Variants in RIMBP2 observed in about 807,000 individuals in gnomAD.
RIMBP2 encodes RIMS-binding protein 2.
Under a neutral mutation model 118.6 loss-of-function variants are expected in RIMBP2, and 48 were observed. The observed-to-expected ratio is 0.40, with a 90% CI of 0.32 to 0.51. The LOEUF (loss-of-function observed/expected upper bound fraction) is 0.51, where lower values mean the gene tolerates loss of function less well. RIMBP2 is among the 20% of genes least tolerant of loss of function. RIMBP2 has a pLI of 0.41. For missense variants in RIMBP2, 1,551 were observed against 1,768.3 expected, an observed-to-expected ratio of 0.88 and a Z score of 2.20; for synonymous variants, 762 against 742.9, an observed-to-expected ratio of 1.03 and a Z score of -0.42.
chr12:130,690,811 A>G (rs2065276242), intron 1 of RIMBP2, among the ~76,000 whole-genome samples: 1 of 152,132 alleles, frequency 6.6e-6, no homozygotes, highest in African/African-American at 2.4e-5. Context: ...GGACTCAAAT[A>G]TCACTTCTGA....
intron 2 of RIMBP2, among the ~76,000 whole-genome samples, chr12:130,593,335 G>A (rs147679432): frequency 4.3e-4 from 66 of 152,318 alleles, no homozygotes; most frequent in African/African-American, 1.3e-3. Flanking sequence ...TGGGGCTGGG[G>A]GTGCTTCACC....
intron 5 of RIMBP2, among the ~76,000 whole-genome samples, chr12:130,476,312 A>C (rs1402779293): frequency 3.9e-5 from 6 of 152,194 alleles, no homozygotes; most frequent in African/African-American, 7.2e-5. Flanking sequence ...GAAAGAGAGA[A>C]GAGGGTCACT....
chr12:130,662,277 C>T (rs2063696160), intron 1 of RIMBP2, among the ~76,000 whole-genome samples: 1 of 152,230 alleles, frequency 6.6e-6, no homozygotes, highest in Middle Eastern at 3.4e-3. Flanking sequence ...TTGCACAGTT[C>T]GAGTCTCGCG....
At chr12:130,593,414 C>G (rs1403783079) in intron 2 of RIMBP2, among the ~76,000 whole-genome samples, 2 of 152,256 alleles carry the variant, frequency 1.3e-5, no homozygotes, top group Non-Finnish European at 2.9e-5. Flanking sequence ...ACTCCTGAAC[C>G]TACGAATTGA....
intron 1 of RIMBP2, among the ~76,000 whole-genome samples, chr12:130,662,538 C>T (rs2136356817): frequency 6.6e-6 from 1 of 152,222 alleles, no homozygotes; most frequent in East Asian, 1.9e-4. Flanking sequence ...TGCCTGTAAT[C>T]CCAGCTACTT....
intron 2 of RIMBP2, among the ~76,000 whole-genome samples, chr12:130,572,122 C>T (rs565387453): frequency 3.2e-5 from 4 of 124,768 alleles, no homozygotes; most frequent in South Asian, 2.7e-4. Flanking sequence ...ACCCCCAGTG[C>T]GTGAAACAGC....
chr12:130,612,263 G>A (rs183495705), intron 2 of RIMBP2, among the ~76,000 whole-genome samples: 27 of 152,304 alleles, frequency 1.8e-4, no homozygotes, highest in African/African-American at 5.3e-4. Context: ...GGTGAAAACA[G>A]GCCTTCTGAG....
intron 22 of RIMBP2, chr12:130,398,601 T>A: frequency 6.6e-6 from 1 of 152,628 alleles, no homozygotes; most frequent in East Asian, 1.9e-4. Flanking sequence ...CATAGCTCTC[T>A]CGTAAGGTAG....
chr12:130,445,065 G>A lies in RIMBP2; in HGVS notation c.691+95C>T, dbSNP rs139063330. The A allele has an allele frequency of 5.0e-3, 3,812 of 761,314 alleles. 14 individuals are homozygous for A. The highest frequency in any genetic ancestry group is 6.2e-3 in the Non-Finnish European group (2,887 of 466,302). 47.2% of individuals were successfully genotyped at this position (761,314 alleles called of 1,614,324 possible). A position where few individuals can be genotyped will look rare whatever the true frequency, so the allele number is the denominator to read the frequency against. On this transcript the variant is annotated intron_variant, in intron 10 of 22. Transcript: ENST00000690449. Reference sequence around the variant, plus strand: ...AGGGCTGGGTGGCCAGGAGTATGTTGGGAGCCCTGCCTATCTATCAGGCCC... The same window carrying A: ...AGGGCTGGGTGGCCAGGAGTATGTTAGGAGCCCTGCCTATCTATCAGGCCC...
chr12:130,574,387 C>T (rs1039431862), intron 2 of RIMBP2, among the ~76,000 whole-genome samples: 1 of 152,156 alleles, frequency 6.6e-6, no homozygotes, highest in African/African-American at 2.4e-5. Flanking sequence ...TCCTATTCTC[C>T]AGTCAGCCTA....
chr12:130,590,139 C>T (rs937626507), intron 2 of RIMBP2, among the ~76,000 whole-genome samples: 1 of 152,196 alleles, frequency 6.6e-6, no homozygotes, highest in African/African-American at 2.4e-5. Context: ...ATCCCCACAC[C>T]CACGGGGAAA....
chr12:130,456,919 C>T (rs1175435666), intron 6 of RIMBP2, among the ~76,000 whole-genome samples: 5 of 152,212 alleles, frequency 3.3e-5, no homozygotes, highest in African/African-American at 1.2e-4. Flanking sequence ...CAGGGGCCGC[C>T]TCCCACTTTC....
intron 4 of RIMBP2, among the ~76,000 whole-genome samples, chr12:130,486,193 G>T (rs1234353587): frequency 2.6e-5 from 4 of 152,116 alleles, no homozygotes; most frequent in Admixed American, 6.5e-5. Flanking sequence ...AGTCCCTGCA[G>T]CCCGAACCCA....
chr12:130,638,809 G>A (rs2062468894), intron 1 of RIMBP2, among the ~76,000 whole-genome samples: 2 of 152,090 alleles, frequency 1.3e-5, no homozygotes, highest in African/African-American at 4.8e-5. Context: ...CAGCAGGGAG[G>A]GAATAACAGG....
chr12:130,515,612 G>A (rs753505802), intron 3 of RIMBP2, among the ~76,000 whole-genome samples: 6 of 152,000 alleles, frequency 3.9e-5, no homozygotes, highest in African/African-American at 9.7e-5. Flanking sequence ...TTATTCACTC[G>A]TCCATCAGTG....
intron 2 of RIMBP2, among the ~76,000 whole-genome samples, chr12:130,559,986 G>C (rs1022985563): frequency 2.6e-5 from 4 of 152,246 alleles, no homozygotes; most frequent in Non-Finnish European, 5.9e-5. Context: ...CCAGTTTACA[G>C]AGAGGGAAAC....
intron 2 of RIMBP2, among the ~76,000 whole-genome samples, chr12:130,586,059 A>C (rs1321722252): frequency 6.6e-6 from 1 of 152,228 alleles, no homozygotes; most frequent in Admixed American, 6.5e-5. Context: ...TATGAAAGTG[A>C]CCACAGGCAC....
In RIMBP2 at chr12:130,434,812, G is replaced by A. The variant is rs370667033; in HGVS notation, c.2175C>T (p.Asp725=). The part of the protein sequence containing the change: ...AGQYAASDEE[D]AYDSPDFKRR... ...TCTTGAAGTCTGGAGAGTCATAGGC[G>A]TCCTCCTCGTCTGAGGCGGCGTACT... Residue 725 remains aspartate (D), a synonymous_variant, in exon 14 of 23, where the codon GAC becomes GAT. Coordinates refer to ENST00000690449, the MANE Select transcript of RIMBP2 (RefSeq NM_001393629.1). The surrounding 1 kb of genome is among the most constrained non-coding windows in gnomAD (Gnocchi z 5.7). 1.2e-4 allele frequency: 188 copies of A among 1,613,790 alleles called. No homozygotes were observed. The highest frequency in any genetic ancestry group is 1.7e-4 in the Middle Eastern group (1 of 6,044).
chr12:130,488,892 T>C (rs1306533836), intron 4 of RIMBP2, among the ~76,000 whole-genome samples: 2 of 152,196 alleles, frequency 1.3e-5, no homozygotes, highest in East Asian at 3.9e-4. Flanking sequence ...TGCAGAAATA[T>C]ATTGCTTCAC....
Sources: gnomAD v4.1 joint callset for allele counts (sites outside exome capture counted in the v4.1 genomes callset) on GRCh38, gnomAD v4.1.1 for gene constraint, Gnocchi (gnomAD v3.1) non-coding constraint, MANE v1.5 for transcripts, NCBI Gene and HGNC (gene_info 2026-07-23, HGNC 2026-07-21) for gene names.